KLHL8: variants seen among roughly 807,000 people sequenced by gnomAD.
KLHL8 encodes kelch-like protein 8.
In KLHL8, 38 loss-of-function variants were observed where a neutral mutation model predicts 63.5. The ratio of observed to expected loss-of-function variants is 0.60; its 90% CI spans 0.46 to 0.78. KLHL8 has a LOEUF of 0.78. Ranked by LOEUF, KLHL8 falls within the 30% of genes least tolerant of loss-of-function variation. The pLI is 0.00. For missense variants in KLHL8, 566 were observed against 752.4 expected, an observed-to-expected ratio of 0.75 and a Z score of 2.90; for synonymous variants, 224 against 254.3, an observed-to-expected ratio of 0.88 and a Z score of 1.13.
chr4:87,182,263 C>T (rs971889950), intron 4 of KLHL8, among the ~76,000 whole-genome samples: 4 of 146,146 alleles, frequency 2.7e-5, no homozygotes, highest in Non-Finnish European at 6.0e-5. Context: ...TACTTACTTA[C>T]ATCAACCTAT....
chr4:87,167,278 C>G, intron 8 of KLHL8: 1 of 468,314 alleles, frequency 2.1e-6, no homozygotes, highest in East Asian at 4.9e-5. Context: ...TATTAGAGAC[C>G]GAATCAAGTT....
intron 2 of KLHL8, among the ~76,000 whole-genome samples, chr4:87,193,701 A>T (rs1731582779): frequency 6.6e-6 from 1 of 152,186 alleles, no homozygotes; most frequent in Non-Finnish European, 1.5e-5. Context: ...CAATGAGGTA[A>T]GTTTGTTTAC....
At chr4:87,165,988 AG>A (rs978745152) in intron 8 of KLHL8, among the ~76,000 whole-genome samples, 1 of 152,254 alleles carries the variant, frequency 6.6e-6, no homozygotes, top group African/African-American at 2.4e-5. Flanking sequence ...AGATTTAAAA[AG>A]TAACAGCAAC....
Position 87,185,324 on chromosome 4 carries a change from T to C in KLHL8, c.692A>G (p.Tyr231Cys), listed in dbSNP as rs1174118347. ...AAGAAGCCACTTGATGGCAGCATTA[T>C]AGACCTGCTTTTCATTTTCAATATT... is the stretch of plus-strand genomic sequence containing the variant. ...DLNIENEKQV[Y>C]NAAIKWLLAN... The change falls in exon 3 of 10, where the codon TAT becomes TGT. Residue 231 changes from tyrosine (Y) to cysteine (C), a missense_variant. Coordinates refer to ENST00000273963, the MANE Select transcript of KLHL8 (RefSeq NM_020803.5). 1 of 1,614,104 alleles carries C rather than the reference T, an allele frequency of 6.2e-7. No individual in the cohort carries two copies. The highest frequency in any genetic ancestry group is 8.5e-7 in the Non-Finnish European group (1 of 1,180,028).
chr4:87,240,437 G>A (rs1733307805), upstream of KLHL8: 1 of 152,110 alleles, frequency 6.6e-6, no homozygotes, highest in Non-Finnish European at 1.5e-5. Context: ...CCAGTTGTTA[G>A]GCTCTTCAGT....
At chr4:87,190,076 T>A (rs894629621) in intron 2 of KLHL8, among the ~76,000 whole-genome samples, 2 of 151,618 alleles carry the variant, frequency 1.3e-5, no homozygotes, top group South Asian at 4.2e-4. Context: ...AAGTAAAATT[T>A]TATCTTAGTA....
intron 8 of KLHL8, 128 bp from the exon 9 acceptor site, chr4:87,164,207 A>T (rs113618412): frequency 0.04 from 32,413 of 802,120 alleles, 821 homozygotes; most frequent in Middle Eastern, 0.076. Flanking sequence ...AAATTTTTTT[A>T]AAAAATTCAT....
intron 1 of KLHL8, among the ~76,000 whole-genome samples, chr4:87,219,226 A>C (rs1476822767): frequency 6.6e-6 from 1 of 152,222 alleles, no homozygotes; most frequent in Non-Finnish European, 1.5e-5. Flanking sequence ...CGCCATCTCC[A>C]AGCAGCGTTC....
intron 2 of KLHL8, among the ~76,000 whole-genome samples, chr4:87,186,344 G>A (rs562892508): frequency 3.9e-5 from 6 of 151,996 alleles, no homozygotes; most frequent in South Asian, 2.1e-4. Flanking sequence ...CACCACACTC[G>A]GCCTCTTTTA....
At chr4:87,217,459 C>T (rs1050048619) in intron 1 of KLHL8, among the ~76,000 whole-genome samples, 1 of 152,004 alleles carries the variant, frequency 6.6e-6, no homozygotes, top group African/African-American at 2.4e-5. Flanking sequence ...CTCAGTCTCC[C>T]GAGTAGCTGG....
At chr4:87,213,641 T>C (rs1732488782) in intron 1 of KLHL8, among the ~76,000 whole-genome samples, 1 of 152,220 alleles carries the variant, frequency 6.6e-6, no homozygotes, top group African/African-American at 2.4e-5. Flanking sequence ...TGTGTCTCAA[T>C]GTCTTTATTT....
chr4:87,219,559 AGTCACC>A (rs1732737574), intron 1 of KLHL8: 1 of 152,278 alleles, frequency 6.6e-6, no homozygotes, highest in Admixed American at 6.5e-5. Flanking sequence ...TTCTATGAAA[AGTCACC>A]CGATTAAACA....
At chr4:87,190,579 G>A (rs1307962618) in intron 2 of KLHL8, among the ~76,000 whole-genome samples, 1 of 151,616 alleles carries the variant, frequency 6.6e-6, no homozygotes, top group African/African-American at 2.4e-5. Context: ...GGGAGGCAGA[G>A]GTTGCAGTGA....
At chr4:87,233,916 G>A (rs906405006) in intron 1 of KLHL8, among the ~76,000 whole-genome samples, 3 of 151,858 alleles carry the variant, frequency 2.0e-5, no homozygotes, top group South Asian at 2.1e-4. Flanking sequence ...AGAAGCACTC[G>A]ACAATGCATT....
At chr4:87,194,203 G>A (rs1731603438) in intron 2 of KLHL8, among the ~76,000 whole-genome samples, 1 of 152,114 alleles carries the variant, frequency 6.6e-6, no homozygotes, top group African/African-American at 2.4e-5. Flanking sequence ...AGGACTGGAG[G>A]GAACTAGCTT....
chr4:87,217,277 C>T (rs995649791), intron 1 of KLHL8, among the ~76,000 whole-genome samples: 7 of 150,736 alleles, frequency 4.6e-5, no homozygotes, highest in Non-Finnish European at 7.4e-5. Context: ...TGAATTTTAG[C>T]GACTGAAAAC....
At chr4:87,229,444 G>A (rs1210108488) in intron 1 of KLHL8, among the ~76,000 whole-genome samples, 1 of 150,580 alleles carries the variant, frequency 6.6e-6, no homozygotes, top group Non-Finnish European at 1.5e-5. Flanking sequence ...TTGGTGGGGG[G>A]GGGTGCAGGG....
chr4:87,207,648 G>A, intron 1 of KLHL8: 1 of 1,184,012 alleles, frequency 8.4e-7, no homozygotes, highest in South Asian at 1.2e-5. Flanking sequence ...AGAAGACTGT[G>A]GATGGCCCCT....
chr4:87,199,165 CA>C (rs1224451562), intron 1 of KLHL8, among the ~76,000 whole-genome samples: 2 of 151,782 alleles, frequency 1.3e-5, no homozygotes, highest in African/African-American at 4.8e-5. Flanking sequence ...CACACCACGC[CA>C]ACAGTAACAA....
Sources: allele counts gnomAD v4.1 joint callset (sites outside exome capture counted in the v4.1 genomes callset), GRCh38; gene constraint gnomAD v4.1.1; transcripts MANE v1.5; gene names NCBI Gene and HGNC (gene_info 2026-07-23, HGNC 2026-07-21).